APBB2: variants seen among roughly 807,000 people sequenced by gnomAD.
The protein encoded by APBB2 is amyloid beta precursor protein binding family B member 2, also known as Fe65-like 1.
In APBB2, 38 loss-of-function variants were observed where a neutral mutation model predicts 82.5. That is an observed-to-expected ratio of 0.46 (90% CI 0.36 to 0.60). The LOEUF (loss-of-function observed/expected upper bound fraction) is 0.60, where lower values mean the gene tolerates loss of function less well. Ranked by LOEUF, APBB2 falls within the 20% of genes least tolerant of loss-of-function variation. The pLI is 0.00. For missense variants in APBB2, 772 were observed against 972.3 expected (o/e 0.79, Z 2.74); for synonymous variants, 341 against 368.2 (o/e 0.93, Z 0.85).
intron 12 of APBB2, among the ~76,000 whole-genome samples, chr4:40,831,879 A>T (rs1163756341): frequency 6.6e-6 from 1 of 152,176 alleles, no homozygotes; most frequent in African/African-American, 2.4e-5. Context: ...GATAAAAAGG[A>T]TACTGACTGT....
chr4:40,980,089 C>T (rs1019275637), intron 6 of APBB2, among the ~76,000 whole-genome samples: 1 of 152,214 alleles, frequency 6.6e-6, no homozygotes, highest in Admixed American at 6.5e-5. Context: ...GTGGCATGAT[C>T]TCGGCTCACT....
intron 10 of APBB2, among the ~76,000 whole-genome samples, chr4:40,907,377 A>ATTTTTT (rs1777245642): frequency 2.8e-4 from 8 of 28,274 alleles, no homozygotes; most frequent in African/African-American, 1.5e-3. Flanking sequence ...ATATATATAT[A>ATTTTTT]TATTTTTTTT....
intron 12 of APBB2, among the ~76,000 whole-genome samples, chr4:40,838,088 C>T (rs1236442900): frequency 6.6e-6 from 1 of 151,326 alleles, no homozygotes. Context: ...TCAATAGGGG[C>T]TTAATCCATC....
At chr4:41,189,069 C>T (rs1773716905) in intron 1 of APBB2, among the ~76,000 whole-genome samples, 1 of 152,204 alleles carries the variant, frequency 6.6e-6, no homozygotes. Context: ...TGGTAAGTGT[C>T]TACCAAAGGC....
chr4:41,077,714 C>T (rs1338669213), intron 3 of APBB2, among the ~76,000 whole-genome samples: 2 of 152,166 alleles, frequency 1.3e-5, no homozygotes, highest in African/African-American at 4.8e-5. Context: ...CATGCTTTCT[C>T]ACAAAGCAGC....
chr4:40,964,548 T>C (rs543389886), intron 6 of APBB2, among the ~76,000 whole-genome samples: 1 of 152,000 alleles, frequency 6.6e-6, no homozygotes, highest in African/African-American at 2.4e-5. Context: ...GCAGTTCAAT[T>C]AGAGGAATGT....
chr4:40,963,562 T>C (rs1430459989), intron 6 of APBB2, among the ~76,000 whole-genome samples: 2 of 152,236 alleles, frequency 1.3e-5, no homozygotes, highest in African/African-American at 4.8e-5. Flanking sequence ...TTACTTTTTC[T>C]ATGAAAGGAA....
intron 6 of APBB2, among the ~76,000 whole-genome samples, chr4:40,981,549 G>A (rs922515915): frequency 3.3e-5 from 5 of 152,176 alleles, no homozygotes; most frequent in East Asian, 3.9e-4. Context: ...AAATGACTTC[G>A]TAGTGACAGC....
At chr4:40,830,237 C>T (rs1024166690) in intron 13 of APBB2, among the ~76,000 whole-genome samples, 7 of 151,480 alleles carry the variant, frequency 4.6e-5, no homozygotes, top group East Asian at 4.0e-4. Context: ...TGTTTCCAGG[C>T]GGCGGGAGGG....
At chr4:41,000,061 ATGTGTGTATGTGTGTG>A (rs1424884498) in intron 6 of APBB2, among the ~76,000 whole-genome samples, 1 of 113,220 alleles carries the variant, frequency 8.8e-6, no homozygotes, top group African/African-American at 3.8e-5. Context: ...ATGTATATAT[ATGTGTGTATGTGTGTG>A]TGTGTGTGTG....
intron 4 of APBB2, among the ~76,000 whole-genome samples, chr4:41,040,015 T>G (rs941324143): frequency 2.0e-5 from 3 of 152,102 alleles, no homozygotes; most frequent in Non-Finnish European, 4.4e-5. Context: ...TTCTGTATTC[T>G]TTTTCTGCCC....
chr4:40,974,914 A>T (rs1195289664), intron 6 of APBB2, among the ~76,000 whole-genome samples: 1 of 152,230 alleles, frequency 6.6e-6, no homozygotes, highest in African/African-American at 2.4e-5. Context: ...TGCTCAAAAC[A>T]TGATTTTACT....
At chr4:41,062,413 C>T (rs193113340) in intron 4 of APBB2, among the ~76,000 whole-genome samples, 41 of 151,894 alleles carry the variant, frequency 2.7e-4, no homozygotes, top group Middle Eastern at 3.4e-3. Context: ...TCCTGACCTC[C>T]GGTGATCCGC....
chr4:41,007,168 A>G (rs1806986855), intron 6 of APBB2, among the ~76,000 whole-genome samples: 1 of 152,090 alleles, frequency 6.6e-6, no homozygotes, highest in African/African-American at 2.4e-5. Flanking sequence ...GGTAACTGCG[A>G]TTAGATAAGG....
chr4:41,126,143 G>A (rs1273720904), intron 2 of APBB2, among the ~76,000 whole-genome samples: 1 of 151,636 alleles, frequency 6.6e-6, no homozygotes, highest in Non-Finnish European at 1.5e-5. Context: ...ACTGTGGGAG[G>A]CAGAGACCGG....
intron 1 of APBB2, among the ~76,000 whole-genome samples, chr4:41,171,020 G>A (rs1017237394): frequency 3.4e-4 from 52 of 152,196 alleles, no homozygotes; most frequent in African/African-American, 9.9e-4. Flanking sequence ...TGACAGGTCT[G>A]CAGGGATGGC....
At chr4:41,041,599 G>A (rs1721530685) in intron 4 of APBB2, among the ~76,000 whole-genome samples, 1 of 152,148 alleles carries the variant, frequency 6.6e-6, no homozygotes, top group Non-Finnish European at 1.5e-5. Flanking sequence ...CACTTATATA[G>A]TCTAAAACAG....
intron 6 of APBB2, among the ~76,000 whole-genome samples, chr4:41,010,749 T>G (rs552122164): frequency 6.6e-6 from 1 of 152,262 alleles, no homozygotes; most frequent in South Asian, 2.1e-4. Context: ...CGTAGAAAAA[T>G]GGACTGATCT....
intron 5 of APBB2, among the ~76,000 whole-genome samples, chr4:41,028,024 C>T (rs1715146247): frequency 6.6e-6 from 1 of 152,232 alleles, no homozygotes; most frequent in African/African-American, 2.4e-5. Context: ...CATTGCTCTC[C>T]TGCATGCATG....
Sources: gnomAD v4.1 joint callset for allele counts (sites outside exome capture counted in the v4.1 genomes callset) on GRCh38, gnomAD v4.1.1 for gene constraint, MANE v1.5 for transcripts, NCBI Gene and HGNC (gene_info 2026-07-23, HGNC 2026-07-21) for gene names.